Variants in PFDN1 observed in about 807,000 individuals in gnomAD.
PFDN1 encodes the protein prefoldin subunit 1, also known as prefoldin 1.
PFDN1 carries 6 observed loss-of-function variants against 17.3 expected under a neutral mutation model. The observed-to-expected ratio is 0.35, with a 90% CI of 0.19 to 0.69. PFDN1 has a LOEUF of 0.69. Among genes scored for constraint, PFDN1 ranks in the 30% least tolerant of loss-of-function variants. The pLI, the probability that PFDN1 is intolerant of heterozygous loss-of-function variation, is 0.65. For synonymous variants in PFDN1, 58 were observed against 50.1 expected (o/e 1.16, Z -0.67); for missense variants, 113 against 146.2 (o/e 0.77, Z 1.17).
chr5:140,280,658 C>T (rs181703304), intron 3 of PFDN1, among the ~76,000 whole-genome samples: 2 of 152,274 alleles, frequency 1.3e-5, no homozygotes, highest in Admixed American at 1.3e-4. Context: ...TCCTCTGCCT[C>T]AAATAGTACT....
chr5:140,261,861 A>G (rs1765070099), intron 3 of PFDN1, among the ~76,000 whole-genome samples: 1 of 152,108 alleles, frequency 6.6e-6, no homozygotes, highest in Non-Finnish European at 1.5e-5. Context: ...GGTCAGGTCC[A>G]CATCACCCAG....
chr5:140,249,142 C>T (rs1226732225), intron 3 of PFDN1, among the ~76,000 whole-genome samples: 3 of 152,218 alleles, frequency 2.0e-5, no homozygotes, highest in African/African-American at 7.2e-5. Flanking sequence ...CAGAACAAGG[C>T]ACCTGTTGTG....
intron 2 of PFDN1, among the ~76,000 whole-genome samples, chr5:140,298,216 A>G (rs1052372465): frequency 1.4e-4 from 21 of 152,068 alleles, no homozygotes; most frequent in Non-Finnish European, 2.9e-4. Flanking sequence ...AATTTAACAT[A>G]ATCTAATTCT....
At chr5:140,302,903 T>C (rs1259001783) in intron 1 of PFDN1, 138 bp downstream of exon 1, 9 of 756,942 alleles carry the variant, frequency 1.2e-5, no homozygotes, top group Non-Finnish European at 1.9e-5. Flanking sequence ...AGTGAGGCCT[T>C]AGGACTCTGG....
intron 3 of PFDN1, chr5:140,280,840 A>C (rs1765387395): frequency 6.6e-6 from 1 of 152,104 alleles, no homozygotes; most frequent in Non-Finnish European, 1.5e-5. Context: ...TTAATGTATA[A>C]ATAAATTATA....
At chr5:140,258,016 G>C (rs1765011957) in intron 3 of PFDN1, among the ~76,000 whole-genome samples, 1 of 152,164 alleles carries the variant, frequency 6.6e-6, no homozygotes, top group Non-Finnish European at 1.5e-5. Context: ...CAAGTTGGGA[G>C]AACTGAATGT....
At chr5:140,299,561 C>T (rs1389438327) in intron 2 of PFDN1, among the ~76,000 whole-genome samples, 4 of 149,962 alleles carry the variant, frequency 2.7e-5, no homozygotes, top group African/African-American at 9.8e-5. Context: ...CACACCACTG[C>T]ACTCTAGCCT....
At chr5:140,249,597 A>T (rs1434574890) in intron 3 of PFDN1, among the ~76,000 whole-genome samples, 1 of 152,178 alleles carries the variant, frequency 6.6e-6, no homozygotes, top group East Asian at 1.9e-4. Flanking sequence ...GAGGCTGGGT[A>T]ATTTATGAAG....
intron 1 of PFDN1, 34 bp from the exon 2 acceptor site, chr5:140,300,616 A>T (rs773351261): frequency 6.9e-7 from 1 of 1,454,016 alleles, no homozygotes; most frequent in East Asian, 2.4e-5. Context: ...TAGTAGGTAA[A>T]ACATTTTACA....
chr5:140,285,201 G>T (rs897193611), intron 2 of PFDN1, among the ~76,000 whole-genome samples: 10 of 152,082 alleles, frequency 6.6e-5, no homozygotes, highest in African/African-American at 2.2e-4. Flanking sequence ...TTAGGTTTCA[G>T]GGTATTCACA....
intron 3 of PFDN1, among the ~76,000 whole-genome samples, chr5:140,278,557 C>CAAAAAAAAAAAAA (rs113129230): frequency 7.6e-4 from 60 of 79,016 alleles, no homozygotes; most frequent in East Asian, 2.4e-3. Context: ...GACTCTGTCT[C>CAAAAAAAAAAAAA]AAAAAAAAAA....
chr5:140,252,129 C>A (rs931426638), intron 3 of PFDN1, among the ~76,000 whole-genome samples: 16 of 152,034 alleles, frequency 1.1e-4, no homozygotes, highest in African/African-American at 3.9e-4. Flanking sequence ...ACCCCCACCC[C>A]ACTCCCATTT....
chr5:140,286,930 A>G (rs1303569520), intron 2 of PFDN1, among the ~76,000 whole-genome samples: 3 of 152,150 alleles, frequency 2.0e-5, no homozygotes, highest in Non-Finnish European at 4.4e-5. Flanking sequence ...AGTATGTAAA[A>G]AATTACCAAG....
chr5:140,260,319 T>C (rs1234269201), intron 3 of PFDN1, among the ~76,000 whole-genome samples: 1 of 152,136 alleles, frequency 6.6e-6, no homozygotes, highest in Non-Finnish European at 1.5e-5. Context: ...GTTTGGCAGG[T>C]ACTTCAATTA....
chr5:140,274,811 C>A (rs1217955078), intron 3 of PFDN1, among the ~76,000 whole-genome samples: 1 of 151,834 alleles, frequency 6.6e-6, no homozygotes, highest in Non-Finnish European at 1.5e-5. Context: ...CAAGACCAGC[C>A]TGGCCAACAT....
rs1320359649 is a variant in PFDN1 at position 140,254,243 on chromosome 5, G to A, written c.286-8186C>T. ...GGACGGGGCAGGCGGTGGTTTGCCA[G>A]TGTCTGTTCCTTAAAAAGATGGGGC... is the stretch of plus-strand genomic sequence containing the variant. On this transcript the variant is annotated intron_variant, in intron 3 of 3. Transcript: ENST00000261813. This position sits in a 1 kb window ranked among gnomAD's most constrained non-coding sequence, Gnocchi z 4.4. 1.3e-5 allele frequency among the ~76,000 whole-genome samples: 2 copies of A among 152,290 alleles called. No individual in the cohort carries two copies. Among genetic ancestry groups the A allele is most frequent in the East Asian group, 3.9e-4 (2 of 5,178 alleles).
chr5:140,279,149 A>G (rs1765349899), intron 3 of PFDN1, among the ~76,000 whole-genome samples: 1 of 152,220 alleles, frequency 6.6e-6, no homozygotes, highest in African/African-American at 2.4e-5. Context: ...ATATGCATGT[A>G]TGAATGTCTT....
At chr5:140,272,174 CAGGCCCAGCTAATTTT>C (rs1228017586) in intron 3 of PFDN1, among the ~76,000 whole-genome samples, 3 of 151,614 alleles carry the variant, frequency 2.0e-5, no homozygotes, top group Non-Finnish European at 1.5e-5. Flanking sequence ...CGCGTGCCAC[CAGGCCCAGCTAATTTT>C]TGTATTTTTA....
At chr5:140,246,464 G>A (rs1303080550) in intron 3 of PFDN1, among the ~76,000 whole-genome samples, 6 of 152,268 alleles carry the variant, frequency 3.9e-5, no homozygotes, top group African/African-American at 1.2e-4. Context: ...CCAGGCGTCT[G>A]TAGCCACTGC....
Sources: allele counts gnomAD v4.1 joint callset (sites outside exome capture counted in the v4.1 genomes callset), GRCh38; gene constraint gnomAD v4.1.1; non-coding constraint Gnocchi (gnomAD v3.1); transcripts MANE v1.5; gene names NCBI Gene and HGNC (gene_info 2026-07-23, HGNC 2026-07-21).